COMMD1: variants seen among roughly 807,000 people sequenced by gnomAD.
COMMD1 encodes the protein COMM domain-containing protein 1.
A neutral mutation model predicts 17.2 loss-of-function variants in COMMD1; 10 were observed. The observed-to-expected ratio is 0.58, with a 90% CI of 0.36 to 0.99. The LOEUF is 0.99. Ranked by LOEUF, COMMD1 falls within the 50% of genes least tolerant of loss-of-function variation. The pLI is 0.01. For synonymous variants in COMMD1, 97 were observed against 91.6 expected, an observed-to-expected ratio of 1.06 and a Z score of -0.34; for missense variants, 270 against 231.8, an observed-to-expected ratio of 1.17 and a Z score of -1.07.
chr2:62,003,366 C>G (rs1669013925), intron 2 of COMMD1, among the ~76,000 whole-genome samples: 1 of 151,530 alleles, frequency 6.6e-6, no homozygotes, highest in Non-Finnish European at 1.5e-5. Context: ...ACAGTGAAAC[C>G]CGTCTCTACT....
chr2:62,010,213 T>G (rs1293408586), intron 2 of COMMD1, among the ~76,000 whole-genome samples: 1 of 152,204 alleles, frequency 6.6e-6, no homozygotes, highest in African/African-American at 2.4e-5. Flanking sequence ...AATCAACATT[T>G]GACATACTTG....
intron 2 of COMMD1, among the ~76,000 whole-genome samples, chr2:62,025,539 A>G (rs1669730951): frequency 6.6e-6 from 1 of 152,192 alleles, no homozygotes; most frequent in Non-Finnish European, 1.5e-5. Context: ...CTTTAAAAAA[A>G]ACAAACAAAA....
rs1167972775 is a variant in COMMD1, at chr2:61,997,765, C to T, written c.181-2936C>T. Among the ~76,000 whole-genome samples, 3 of 152,186 alleles carry T rather than the reference C, an allele frequency of 2.0e-5. No homozygotes were observed. The East Asian group carries it at 5.8e-4, about 29-fold the overall frequency. ...ATTGGCTTCAACTTCAAGTCACCAG[C>T]TGCGTTAGCCCCTAACAAGAGAGTC... On this transcript the variant is annotated intron_variant, in intron 1 of 2. Coordinates refer to ENST00000311832, the MANE Select transcript of COMMD1 (RefSeq NM_152516.4).
intron 1 of COMMD1, among the ~76,000 whole-genome samples, chr2:61,949,152 T>C (rs1670987555): frequency 6.6e-6 from 1 of 152,344 alleles, no homozygotes; most frequent in South Asian, 2.1e-4. Flanking sequence ...TTCTAAATTA[T>C]GCTTAGTAAA....
intron 2 of COMMD1, among the ~76,000 whole-genome samples, chr2:62,042,872 G>C (rs1670275126): frequency 6.6e-6 from 1 of 152,220 alleles, no homozygotes; most frequent in Non-Finnish European, 1.5e-5. Flanking sequence ...AGATGAGATA[G>C]TAGGTCAGTT....
At chr2:61,947,993 A>G (rs964187843) in intron 1 of COMMD1, among the ~76,000 whole-genome samples, 1 of 152,182 alleles carries the variant, frequency 6.6e-6, no homozygotes, top group African/African-American at 2.4e-5. Context: ...AGTAAGCCCA[A>G]TAAATAAAAT....
chr2:62,055,087 A>G (rs527701187), intron 2 of COMMD1, among the ~76,000 whole-genome samples: 1 of 152,322 alleles, frequency 6.6e-6, no homozygotes, highest in South Asian at 2.1e-4. Context: ...ACTCATATCA[A>G]AACCCTATCA....
At chr2:61,909,600 A>G (rs1455783026) in intron 1 of COMMD1, among the ~76,000 whole-genome samples, 1 of 152,252 alleles carries the variant, frequency 6.6e-6, no homozygotes, top group Admixed American at 6.5e-5. Flanking sequence ...CAAGAAAAAA[A>G]TGAAACAACC....
intron 2 of COMMD1, among the ~76,000 whole-genome samples, chr2:62,097,794 T>C (rs2104013201): frequency 6.6e-6 from 1 of 152,278 alleles, no homozygotes; most frequent in South Asian, 2.1e-4. Context: ...GGACCGACAG[T>C]ATAGCGCTGG....
At chr2:61,893,928 G>A (rs1182630322) in intron 1 of COMMD1, among the ~76,000 whole-genome samples, 2 of 152,104 alleles carry the variant, frequency 1.3e-5, no homozygotes, top group Non-Finnish European at 2.9e-5. Flanking sequence ...GCTGGGCACA[G>A]TGGTGTGTGC....
At chr2:62,073,032 C>T (rs1481497639) in intron 2 of COMMD1, among the ~76,000 whole-genome samples, 3 of 152,252 alleles carry the variant, frequency 2.0e-5, no homozygotes, top group African/African-American at 7.2e-5. Flanking sequence ...GTAAGCCCAG[C>T]TGGCAAAGTG....
chr2:62,031,981 T>C (rs1669919848), intron 2 of COMMD1, among the ~76,000 whole-genome samples: 1 of 152,230 alleles, frequency 6.6e-6, no homozygotes, highest in African/African-American at 2.4e-5. Context: ...GCTACATTGG[T>C]CTACCTTGTC....
At chr2:62,128,276 TGA>T (rs1672936436) in intron 2 of COMMD1, among the ~76,000 whole-genome samples, 2 of 150,774 alleles carry the variant, frequency 1.3e-5, no homozygotes, top group East Asian at 3.9e-4. Context: ...TGCTGTGAGC[TGA>T]GATGGCACTT....
At chr2:61,966,392 TTTC>T (rs1671506340) in intron 1 of COMMD1, among the ~76,000 whole-genome samples, 2 of 152,300 alleles carry the variant, frequency 1.3e-5, no homozygotes, top group South Asian at 4.1e-4. Context: ...ACCAAATAAA[TTTC>T]TTTTTTTTAA....
At chr2:61,897,295 A>G (rs534071511) in intron 1 of COMMD1, among the ~76,000 whole-genome samples, 2 of 152,338 alleles carry the variant, frequency 1.3e-5, no homozygotes, top group Admixed American at 1.3e-4. Context: ...CACTTAGCAT[A>G]TAATCATATG....
chr2:61,999,749 A>T (rs1452339579), intron 1 of COMMD1, among the ~76,000 whole-genome samples: 1 of 151,966 alleles, frequency 6.6e-6, no homozygotes, highest in Non-Finnish European at 1.5e-5. Flanking sequence ...CTTCAAAAAA[A>T]ATTTCATTTT....
chr2:61,931,606 C>CT (rs1670469239), intron 1 of COMMD1, among the ~76,000 whole-genome samples: 2 of 152,194 alleles, frequency 1.3e-5, no homozygotes, highest in African/African-American at 2.4e-5. Context: ...CCTTGTTTCA[C>CT]TTTTTATGAG....
intron 1 of COMMD1, among the ~76,000 whole-genome samples, chr2:61,963,208 CACACACACACACATATATACATATAT>C (rs1225417043): frequency 1.2e-4 from 18 of 146,532 alleles, no homozygotes; most frequent in Non-Finnish European, 2.5e-4. Context: ...CACACACACA[CACACACACACACATATATACATATAT>C]ACACACACAC....
intron 2 of COMMD1, among the ~76,000 whole-genome samples, chr2:62,115,847 TC>T (rs1672578836): frequency 8.6e-6 from 1 of 116,134 alleles, no homozygotes; most frequent in African/African-American, 3.7e-5. Context: ...TTTCTTTCTT[TC>T]TTTCTTTCTT....
Sources: allele counts gnomAD v4.1 joint callset (sites outside exome capture counted in the v4.1 genomes callset), GRCh38; gene constraint gnomAD v4.1.1; transcripts MANE v1.5; gene names NCBI Gene and HGNC (gene_info 2026-07-23, HGNC 2026-07-21).